Variants in FLAD1 observed in about 807,000 individuals in gnomAD.
The protein encoded by FLAD1 is bifunctional FAD diphosphatase/FAD synthase.
FLAD1 carries 35 observed loss-of-function variants against 55.0 expected under a neutral mutation model. The ratio of observed to expected loss-of-function variants is 0.64; its 90% CI spans 0.49 to 0.84. FLAD1 has a LOEUF of 0.84. Ranked by LOEUF, FLAD1 falls within the 40% of genes least tolerant of loss-of-function variation. The probability of loss-of-function intolerance (pLI) is 0.00; values close to 1 mark genes in which losing one functional copy is unlikely to be tolerated. For synonymous variants in FLAD1, 267 were observed against 303.0 expected, an observed-to-expected ratio of 0.88 and a Z score of 1.23; for missense variants, 665 against 742.6, an observed-to-expected ratio of 0.90 and a Z score of 1.21.
At chr1:154,985,306 T>C (rs1051257181) in intron 1 of FLAD1, among the ~76,000 whole-genome samples, 13 of 150,390 alleles carry the variant, frequency 8.6e-5, no homozygotes, top group Non-Finnish European at 1.5e-4. Context: ...CTCAGCTGAC[T>C]GCACCTCCAC....
At chr1:154,986,150 C>T (rs1657593743) in intron 1 of FLAD1, among the ~76,000 whole-genome samples, 1 of 151,862 alleles carries the variant, frequency 6.6e-6, no homozygotes, top group African/African-American at 2.4e-5. Flanking sequence ...GCAATTATCT[C>T]ACCTCAGTCT....
Position 154,983,882 on chromosome 1 carries a change from C to A in FLAD1, c.188C>A (p.Pro63His), listed in dbSNP as rs775069508. 42 of 1,613,888 alleles carry A rather than the reference C, an allele frequency of 2.6e-5. No individual in the cohort carries two copies. Among genetic ancestry groups the A allele is most frequent in the Non-Finnish European group, 3.5e-5 (41 of 1,179,928 alleles). ...GACCCCCTGTTCCCAGGCTATGGCC[C>A]CCAGTGCCCTGTAGACCTGGCAGGC... ...TQDPLFPGYG[P>H]QCPVDLAGPP... The change falls in exon 1 of 7, where the codon CCC becomes CAC. Residue 63 changes from proline (P) to histidine (H), a missense_variant. Pro to His is a moderately conservative substitution (Grantham distance 77). Transcript: ENST00000292180.
chr1:154,990,581 T>C, intron 5 of FLAD1, 53 bp downstream of exon 5: 1 of 1,499,302 alleles, frequency 6.7e-7, no homozygotes, highest in Non-Finnish European at 8.9e-7. Flanking sequence ...CAGCAGTCAC[T>C]GCACCCTAGC....
chr1:154,989,048 G>A, intron 2 of FLAD1, 199 bp downstream of exon 2: 5 of 1,309,306 alleles, frequency 3.8e-6, no homozygotes, highest in South Asian at 1.5e-5. Flanking sequence ...TGGGGATATG[G>A]CTCAATAGGA....
chr1:154,986,432 G>T (rs1350680522), intron 1 of FLAD1, among the ~76,000 whole-genome samples: 1 of 152,150 alleles, frequency 6.6e-6, no homozygotes, highest in Non-Finnish European at 1.5e-5. Context: ...TGGCCAGGCT[G>T]GTGACCCCTA....
chr1:154,983,560 A>T lies in FLAD1; in HGVS notation c.-135A>T. 1 of 876,334 alleles carries T rather than the reference A, an allele frequency of 1.1e-6. No homozygotes were observed. Among genetic ancestry groups the T allele is most frequent in the Non-Finnish European group, 1.7e-6 (1 of 573,176 alleles). 54.3% of individuals were successfully genotyped at this position (876,334 alleles called of 1,614,324 possible). ...AAGGCCCAGGATAAGGTAGACATTT[A>T]AAGGGGTACGGATGCCCAAGGTAGA... On this transcript the variant is annotated 5_prime_UTR_variant, in exon 1 of 7. Coordinates refer to ENST00000292180, the MANE Select transcript of FLAD1 (RefSeq NM_025207.5).
chr1:154,990,076 G>A (rs1056360694), intron 3 of FLAD1, 83 bp from the exon 4 acceptor site: 15 of 1,122,664 alleles, frequency 1.3e-5, no homozygotes, highest in Non-Finnish European at 2.0e-5. Flanking sequence ...CTGTCCTAGG[G>A]GCCAACGAGA....
chr1:154,986,059 C>T lies in FLAD1; in HGVS notation c.372+1993C>T, dbSNP rs930219166. Among the ~76,000 whole-genome samples the T allele has an allele frequency of 1.6e-3, 203 of 126,096 alleles. 1 individual carries two copies. The highest frequency in any genetic ancestry group is 5.2e-3 in the African/African-American group (171 of 32,956). 82.7% of individuals were successfully genotyped at this position (126,096 alleles called of 152,430 possible). A position where few individuals can be genotyped will look rare whatever the true frequency, so the allele number is the denominator to read the frequency against. ...TGTGTGTGTGTGTGTGTGTGTGTGA[C>T]GGAGTTTCGCTCCTGCTGCTCACGC... is the stretch of plus-strand genomic sequence containing the variant. On this transcript the variant is annotated intron_variant, in intron 1 of 6. Coordinates refer to ENST00000292180, the MANE Select transcript of FLAD1 (RefSeq NM_025207.5).
Position 154,985,045 on chromosome 1 carries a change from T to A in FLAD1, c.372+979T>A, listed in dbSNP as rs955903871. The stretch of plus-strand genomic sequence containing the variant: ...ACACCTGGCTAATTTTTTTTTTTTT[T>A]TTTTTTTTTTTTTTTTTTTCAGAAA... On this transcript the variant is annotated intron_variant, in intron 1 of 6. Coordinates refer to ENST00000292180, the MANE Select transcript of FLAD1 (RefSeq NM_025207.5). Among the ~76,000 whole-genome samples, 461 of 139,030 alleles carry A rather than the reference T, an allele frequency of 3.3e-3. 2 individuals are homozygous for A. Among genetic ancestry groups the A allele is most frequent in the African/African-American group, 0.012 (443 of 37,116 alleles). 91.2% of individuals were successfully genotyped at this position (139,030 alleles called of 152,430 possible).
In FLAD1 at chr1:154,988,641, C is replaced by T; in HGVS notation, c.909C>T (p.His303=). 6.2e-7 allele frequency: 1 copy of T among 1,614,228 alleles called. No individual in the cohort carries two copies. The highest frequency in any genetic ancestry group is 1.1e-5 in the South Asian group (1 of 91,090). ...IAPILAEAQA[H]FGRRLGLGSY... is the part of the protein sequence containing the mutation. ...CCATTCTGGCTGAGGCCCAGGCCCA[C>T]TTTGGACGTAGGCTTGGCCTGGGTT... The change falls in exon 2 of 7, where the codon CAC becomes CAT. Residue 303 remains histidine (H), a synonymous_variant. Coordinates refer to ENST00000292180, the MANE Select transcript of FLAD1 (RefSeq NM_025207.5).
rs1178750273 is a variant in FLAD1 at position 154,988,017 on chromosome 1, C to T, written c.373-88C>T. Reference sequence around the variant, plus strand: ...GTGTCCTTCAAAGAGCAGAGCACTGCATCATCAGGTGGATGCAGCCATCAT... The same window carrying T: ...GTGTCCTTCAAAGAGCAGAGCACTGTATCATCAGGTGGATGCAGCCATCAT... On this transcript the variant is annotated intron_variant, in intron 1 of 6. Coordinates refer to ENST00000292180, the MANE Select transcript of FLAD1 (RefSeq NM_025207.5). 5.6e-6 allele frequency: 9 copies of T among 1,606,250 alleles called. No homozygotes were observed. In the Admixed American group the frequency reaches 8.4e-5, roughly 15 times the overall value.
rs1282513955 is a variant in FLAD1, at chr1:154,988,701, G to A, written c.969G>A (p.Val323=). The part of the protein sequence containing the change: ...YPDWGSNYYQ[V]KLTLDSEEEG... ...ACTGGGGCAGCAACTACTATCAGGTGAAGCTGACTCTAGACTCAGAGGAAG... is the reference window on the plus strand; with the variant it reads ...ACTGGGGCAGCAACTACTATCAGGTAAAGCTGACTCTAGACTCAGAGGAAG... The change falls in exon 2 of 7, where the codon GTG becomes GTA. Residue 323 remains valine, a synonymous_variant. Coordinates refer to ENST00000292180, the MANE Select transcript of FLAD1 (RefSeq NM_025207.5). 1.2e-6 allele frequency: 2 copies of A among 1,614,210 alleles called. No individual in the cohort carries two copies. The highest frequency in any genetic ancestry group is 2.2e-5 in the East Asian group (1 of 44,882).
In FLAD1 at chr1:154,990,392, A is replaced by T. The variant is rs1385756428; in HGVS notation, c.1418A>T (p.Glu473Val). 1.2e-6 allele frequency: 2 copies of T among 1,614,038 alleles called. No individual in the cohort carries two copies. The highest frequency in any genetic ancestry group is 2.7e-5 in the African/African-American group (2 of 74,924). ...AEGSMKQALGELQARHPQLEA... is the reference protein window; with the variant it reads ...AEGSMKQALGVLQARHPQLEA... ...GGCAGCATGAAGCAGGCCCTGGGTG[A>T]ACTGCAGGCACGGCACCCCCAGCTG... The change falls in exon 5 of 7, where the codon GAA (glutamate) becomes GTA (valine). Residue 473 changes from glutamate (E) to valine (V), a missense_variant. Glu to Val is a moderately radical substitution (Grantham distance 121). Coordinates refer to ENST00000292180, the MANE Select transcript of FLAD1 (RefSeq NM_025207.5).
intron 1 of FLAD1, among the ~76,000 whole-genome samples, chr1:154,985,239 T>G (rs1291829019): frequency 9.1e-6 from 1 of 109,300 alleles, no homozygotes; most frequent in Non-Finnish European, 1.7e-5. Context: ...GTTTTTTTTG[T>G]TTTTTTTTTT....
intron 1 of FLAD1, among the ~76,000 whole-genome samples, chr1:154,986,211 G>A (rs1657596130): frequency 6.7e-6 from 1 of 148,406 alleles, no homozygotes; most frequent in Non-Finnish European, 1.5e-5. Context: ...GCTAATTTTT[G>A]TGGGGTTTTT....
intron 1 of FLAD1, among the ~76,000 whole-genome samples, chr1:154,984,321 A>G (rs1657464878): frequency 1.3e-5 from 2 of 152,166 alleles, no homozygotes; most frequent in Admixed American, 1.3e-4. Flanking sequence ...TAAAAAGGTC[A>G]TTGCAATTTA....
intron 1 of FLAD1, among the ~76,000 whole-genome samples, chr1:154,985,830 A>G (rs896384588): frequency 7.1e-6 from 1 of 141,700 alleles, no homozygotes; most frequent in African/African-American, 2.7e-5. Context: ...GGTTCAAGCG[A>G]CTCTCCTGCC....
rs777900563 is a variant in FLAD1 at position 154,988,449 on chromosome 1, A to G, written c.717A>G (p.Gln239=). Residue 239 remains glutamine (Q), a synonymous_variant, in exon 2 of 7, where the codon CAA becomes CAG. Transcript: ENST00000292180. ...LHYGTDPCTG[Q]PFRFPLVSVR... Reference sequence around the variant, plus strand: ...ATGGCACAGATCCTTGCACTGGTCAACCTTTCAGATTCCCTCTGGTCTCCG... The same window carrying G: ...ATGGCACAGATCCTTGCACTGGTCAGCCTTTCAGATTCCCTCTGGTCTCCG... 9.9e-6 allele frequency: 16 copies of G among 1,614,208 alleles called. No homozygotes were observed. Among genetic ancestry groups the G allele is most frequent in the Non-Finnish European group, 1.4e-5 (16 of 1,180,038 alleles).
rs779525564 is a variant in FLAD1, at chr1:154,988,428, C to T, written c.696C>T (p.Gly232=). Residue 232 remains glycine, a synonymous_variant, in exon 2 of 7, where the codon GGC becomes GGT. Transcript: ENST00000292180. ...LVPSSARLHY[G]TDPCTGQPFR... is the part of the protein sequence containing the mutation. ...CCTCCTCTGCCCGCCTGCATTATGG[C>T]ACAGATCCTTGCACTGGTCAACCTT... The T allele has an allele frequency of 7.4e-6, 12 of 1,614,124 alleles. No individual in the cohort carries two copies. In the South Asian group the frequency reaches 1.3e-4, roughly 18 times the overall value.
Sources: allele counts gnomAD v4.1 joint callset (sites outside exome capture counted in the v4.1 genomes callset), GRCh38; gene constraint gnomAD v4.1.1; transcripts MANE v1.5; gene names NCBI Gene and HGNC (gene_info 2026-07-23, HGNC 2026-07-21).